The following NCOR2 variants were observed in gnomAD, a reference collection of about 807,000 sequenced individuals.
NCOR2 encodes the protein nuclear receptor corepressor 2.
A neutral mutation model predicts 262.9 loss-of-function variants in NCOR2; 81 were observed. The ratio of observed to expected loss-of-function variants is 0.31; its 90% CI spans 0.26 to 0.37. The LOEUF is 0.37. Ranked by LOEUF, NCOR2 falls within the 10% of genes least tolerant of loss-of-function variation. The pLI, the probability that NCOR2 is intolerant of heterozygous loss-of-function variation, is 1.00. For missense variants in NCOR2, 3,385 were observed against 3,621.4 expected (o/e 0.93, Z 1.68); for synonymous variants, 1,659 against 1,559.3 (o/e 1.06, Z -1.51).
chr12:124,411,083 GGAGA>G (rs10567535), intron 13 of NCOR2, among the ~76,000 whole-genome samples: 11 of 124,904 alleles, frequency 8.8e-5, no homozygotes, highest in Non-Finnish European at 1.1e-4. Flanking sequence ...AGAGAGAAGG[GGAGA>G]GAGAGAGAGA....
chr12:124,344,908 G>C lies in NCOR2; in HGVS notation c.4403C>G (p.Ser1468Cys), dbSNP rs752514577. 3.8e-6 allele frequency: 6 copies of C among 1,576,558 alleles called. No homozygotes were observed. The African/African-American group carries it at 5.4e-5, about 14-fold the overall frequency. The change falls in exon 32 of 47, where the codon TCC becomes TGC. Residue 1468 changes from serine (S) to cysteine (C), a missense_variant. Around this residue, in one of 5 missense-constraint regions of NCOR2, gnomAD observed 1,615 missense variants for 1,626.9 expected, o/e 0.99. Transcript: ENST00000405201. ...GAGGGAGCGTACGTCGTGCTTTTTGGAGCCAGTGGTGGACGCGCCGGTGTC... is the reference window on the plus strand; with the variant it reads ...GAGGGAGCGTACGTCGTGCTTTTTGCAGCCAGTGGTGGACGCGCCGGTGTC...
At chr12:124,435,785 C>T (rs1201820550) in intron 8 of NCOR2, among the ~76,000 whole-genome samples, 1 of 152,224 alleles carries the variant, frequency 6.6e-6, no homozygotes, top group Non-Finnish European at 1.5e-5. Flanking sequence ...CTCGGAACTG[C>T]CCCTTGGGGG....
exon 20 of NCOR2, chr12:124,372,256 G>A: frequency 6.3e-7 from 1 of 1,585,422 alleles, no homozygotes; most frequent in Non-Finnish European, 8.6e-7. Flanking sequence ...GGGCTCCTCG[G>A]CCTTCCCTGT....
intron 1 of NCOR2, among the ~76,000 whole-genome samples, chr12:124,502,732 C>T (rs1219345986): frequency 6.6e-6 from 1 of 152,272 alleles, no homozygotes; most frequent in Middle Eastern, 3.4e-3. Flanking sequence ...ACAAGGCTGA[C>T]GTGCGGTCTC....
At chr12:124,372,574 G>A (rs781402660) in exon 20 of NCOR2, 2 of 1,598,424 alleles carry the variant, frequency 1.3e-6, no homozygotes, top group Non-Finnish European at 8.5e-7. Context: ...GTGAGGAGAG[G>A]GGATGCTCTC....
At chr12:124,446,367 C>T (rs182463944) in intron 7 of NCOR2, among the ~76,000 whole-genome samples, 22 of 152,294 alleles carry the variant, frequency 1.4e-4, no homozygotes, top group Non-Finnish European at 5.9e-5. Flanking sequence ...CTGGGATAAA[C>T]TTCATCACTA....
intron 5 of NCOR2, 142 bp downstream of exon 7, chr12:124,466,031 T>G (rs1457311562): frequency 1.2e-6 from 1 of 824,366 alleles, no homozygotes; most frequent in Non-Finnish European, 1.9e-6. Flanking sequence ...CACCCACTCA[T>G]AAACCCTGCG....
intron 28 of NCOR2, chr12:124,348,567 C>G (rs545524224): frequency 1.9e-6 from 1 of 526,998 alleles, no homozygotes; most frequent in East Asian, 3.2e-5. Context: ...GCACCCTGTA[C>G]CCTAGCCCTC....
At chr12:124,470,829 A>G (rs2046794115) in intron 4 of NCOR2, among the ~76,000 whole-genome samples, 2 of 152,386 alleles carry the variant, frequency 1.3e-5, no homozygotes, top group South Asian at 2.1e-4. Flanking sequence ...AAAAAATGCC[A>G]AAGTGGAATT....
intron 17 of NCOR2, among the ~76,000 whole-genome samples, chr12:124,380,672 T>C (rs1331730591): frequency 6.6e-6 from 1 of 152,142 alleles, no homozygotes; most frequent in Non-Finnish European, 1.5e-5. Context: ...TGCCCTGAGC[T>C]GCCCGGGCGG....
At chr12:124,325,172 G>A (rs1054967299) in exon 47 of NCOR2, 7 of 362,324 alleles carry the variant, frequency 1.9e-5, no homozygotes, top group Admixed American at 1.9e-4. Flanking sequence ...CGAGCACCAG[G>A]TAAACATCCC....
At chr12:124,335,455 G>A (rs775402210) in intron 39 of NCOR2, 28 bp downstream of exon 41, 28 of 1,592,932 alleles carry the variant, frequency 1.8e-5, no homozygotes, top group Middle Eastern at 1.7e-4. Context: ...GCAGGGCTTC[G>A]GGGGCCTGGG....
At chr12:124,512,401 C>A (rs954285905) in intron 1 of NCOR2, among the ~76,000 whole-genome samples, 1 of 152,214 alleles carries the variant, frequency 6.6e-6, no homozygotes, top group African/African-American at 2.4e-5. Context: ...TCCTGTAGTT[C>A]ATGTAGTCTT....
chr12:124,428,137 A>G (rs2043698286), intron 10 of NCOR2, among the ~76,000 whole-genome samples: 1 of 144,080 alleles, frequency 6.9e-6, no homozygotes, highest in Non-Finnish European at 1.5e-5. Context: ...TCAGGTGAGG[A>G]ATGCAGAGGA....
At chr12:124,544,204 G>A (rs575972053) in intron 1 of NCOR2, among the ~76,000 whole-genome samples, 1 of 152,336 alleles carries the variant, frequency 6.6e-6, no homozygotes, top group East Asian at 1.9e-4. Context: ...GACCCTGTCT[G>A]TAAAAGAGGA....
At position 124,399,034 on chromosome 12, in the gene NCOR2, A is replaced by C. The variant is rs368179899; in HGVS notation, c.1814-853T>G. Among the ~76,000 whole-genome samples, 227 of 152,282 alleles carry C rather than the reference A, an allele frequency of 1.5e-3. 2 individuals carry two copies. Among genetic ancestry groups the C allele is most frequent in the Admixed American group, 5.0e-3 (77 of 15,296 alleles). On this transcript the variant is annotated intron_variant, in intron 15 of 46. Coordinates refer to ENST00000405201, the Ensembl canonical transcript of NCOR2. ...GAGTGGGGTGGGTGCGAGGGACGTC[A>C]GCTCCATGGACTCAGCACCTGGAAC...
At chr12:124,424,227 T>C (rs2043396797) in intron 11 of NCOR2, among the ~76,000 whole-genome samples, 1 of 151,852 alleles carries the variant, frequency 6.6e-6, no homozygotes, top group African/African-American at 2.4e-5. Context: ...TCAGAAAAAA[T>C]ACATACACTA....
At chr12:124,351,296 G>A (rs1488497765) in intron 27 of NCOR2, among the ~76,000 whole-genome samples, 6 of 152,206 alleles carry the variant, frequency 3.9e-5, no homozygotes, top group Non-Finnish European at 5.9e-5. Flanking sequence ...AAGGACTCAC[G>A]TCAGGGCAGC....
chr12:124,469,173 A>G (rs989018475), intron 4 of NCOR2, among the ~76,000 whole-genome samples: 10 of 152,114 alleles, frequency 6.6e-5, no homozygotes, highest in Non-Finnish European at 1.3e-4. Flanking sequence ...CTGCAATGTG[A>G]CAGGGCATCA....
Sources: allele counts gnomAD v4.1 joint callset (sites outside exome capture counted in the v4.1 genomes callset), GRCh38; gene constraint gnomAD v4.1.1; regional missense constraint gnomAD v4.1.1; transcripts MANE v1.5; gene names NCBI Gene and HGNC (gene_info 2026-07-23, HGNC 2026-07-21).